Variants in VWA3A observed in about 807,000 individuals in gnomAD.
VWA3A encodes the protein von Willebrand factor A domain containing 3A.
A neutral mutation model predicts 160.4 loss-of-function variants in VWA3A; 134 were observed. The ratio of observed to expected loss-of-function variants is 0.84; its 90% CI spans 0.73 to 0.96. The LOEUF is 0.96. VWA3A is among the 40% of genes least tolerant of loss of function. The probability of loss-of-function intolerance (pLI) is 0.00; values close to 1 mark genes in which losing one functional copy is unlikely to be tolerated. For missense variants in VWA3A, 1,310 were observed against 1,447.9 expected (o/e 0.90, Z 1.55); for synonymous variants, 476 against 543.4 (o/e 0.88, Z 1.72).
chr16:22,104,065 C>A (rs2045447039), intron 6 of VWA3A, among the ~76,000 whole-genome samples: 1 of 152,300 alleles, frequency 6.6e-6, no homozygotes, highest in Non-Finnish European at 1.5e-5. Flanking sequence ...AAGGCCAGAG[C>A]ACTGTTACCA....
intron 23 of VWA3A, among the ~76,000 whole-genome samples, chr16:22,140,555 A>C (rs186763579): frequency 6.6e-6 from 1 of 151,540 alleles, no homozygotes; most frequent in East Asian, 2.0e-4. Context: ...GCAGTGAGCT[A>C]TCATTGCACC....
intron 16 of VWA3A, 90 bp from the exon 17 acceptor site, chr16:22,126,088 C>T (rs964488467): frequency 1.5e-5 from 24 of 1,560,202 alleles, no homozygotes; most frequent in African/African-American, 8.3e-5. Flanking sequence ...CAAAATTCCC[C>T]TGGAAAAAAA....
intron 17 of VWA3A, among the ~76,000 whole-genome samples, chr16:22,127,646 A>G (rs2045874070): frequency 6.6e-6 from 1 of 152,180 alleles, no homozygotes. Context: ...TTATGGTAAC[A>G]TTATAGATAA....
chr16:22,121,230 G>T, intron 13 of VWA3A, 127 bp downstream of exon 13: 1 of 1,423,750 alleles, frequency 7.0e-7, no homozygotes, highest in East Asian at 2.3e-5. Context: ...AGGATCAGTT[G>T]AGGCCAGGGA....
At chr16:22,096,284 G>A (rs1254280960) in intron 1 of VWA3A, among the ~76,000 whole-genome samples, 1 of 152,158 alleles carries the variant, frequency 6.6e-6, no homozygotes, top group Admixed American at 6.5e-5. Flanking sequence ...TGTTCAATAA[G>A]TATTTACTGA....
intron 5 of VWA3A, among the ~76,000 whole-genome samples, chr16:22,101,001 A>G (rs1221784509): frequency 4.7e-5 from 7 of 149,932 alleles, no homozygotes; most frequent in Non-Finnish European, 8.9e-5. Flanking sequence ...ACTACCACTC[A>G]GGGAGATGAG....
At chr16:22,093,952 T>TA (rs1555524845) in intron 1 of VWA3A, among the ~76,000 whole-genome samples, 13 of 151,410 alleles carry the variant, frequency 8.6e-5, no homozygotes, top group South Asian at 2.1e-4. Context: ...TTTTTTTTTT[T>TA]TATATAGAGA....
chr16:22,140,110 C>T (rs758069236), intron 22 of VWA3A, 44 bp from the exon 23 acceptor site: 2 of 1,583,684 alleles, frequency 1.3e-6, no homozygotes, highest in East Asian at 4.5e-5. Context: ...TCCTGCGTGA[C>T]ACAGGGAACA....
At position 22,096,958 on chromosome 16, in the gene VWA3A, C is replaced by T. The variant is rs1390676612; in HGVS notation, c.101+13C>T. The T allele has an allele frequency of 4.9e-6, 6 of 1,229,148 alleles. No individual in the cohort carries two copies. Among genetic ancestry groups the T allele is most frequent in the Middle Eastern group, 2.4e-4 (1 of 4,214 alleles). The allele number at this position is 1,229,148 out of a possible 1,614,324, so 76.1% of individuals were successfully genotyped here. A position where few individuals can be genotyped will look rare whatever the true frequency, so the allele number is the denominator to read the frequency against. On this transcript the variant is annotated intron_variant, in intron 2 of 33. Transcript: ENST00000389398. ...TGGAAAACCATTGGTAAGCATAGTT[C>T]TCTGATTTTTTTTTTTTTTTTTTTT...
intron 17 of VWA3A, among the ~76,000 whole-genome samples, chr16:22,129,716 C>T (rs370442914): frequency 5.9e-5 from 9 of 151,876 alleles, no homozygotes; most frequent in African/African-American, 2.2e-4. Flanking sequence ...TGTGGAGATG[C>T]GAAGAGGAGA....
At chr16:22,099,209 T>C (rs944734345) in intron 3 of VWA3A, among the ~76,000 whole-genome samples, 1 of 152,202 alleles carries the variant, frequency 6.6e-6, no homozygotes, top group African/African-American at 2.4e-5. Flanking sequence ...TGTATTTCCC[T>C]AGATATGCGA....
chr16:22,125,702 C>T (rs1020731133), intron 16 of VWA3A, among the ~76,000 whole-genome samples: 1 of 152,120 alleles, frequency 6.6e-6, no homozygotes, highest in South Asian at 2.1e-4. Context: ...GGATTACAGG[C>T]GTGAGCCACC....
chr16:22,154,928 T>C (rs1183988966), intron 31 of VWA3A, among the ~76,000 whole-genome samples: 1 of 119,180 alleles, frequency 8.4e-6, no homozygotes, highest in Non-Finnish European at 1.6e-5. Flanking sequence ...CAGTCCGCAG[T>C]CCGGCCTGGG....
chr16:22,145,655 A>T (rs1484604395), intron 26 of VWA3A, among the ~76,000 whole-genome samples: 1 of 151,706 alleles, frequency 6.6e-6, no homozygotes, highest in Non-Finnish European at 1.5e-5. Context: ...AAAAAAAAAA[A>T]TCAGAAATTA....
intron 20 of VWA3A, among the ~76,000 whole-genome samples, chr16:22,133,760 G>A (rs752162799): frequency 2.6e-5 from 4 of 151,740 alleles, no homozygotes; most frequent in Non-Finnish European, 5.9e-5. Flanking sequence ...TGAGGCGAGC[G>A]GATTGCTTGA....
Position 22,123,718 on chromosome 16 carries a change from T to C in VWA3A, c.1532+11T>C. 6.2e-7 allele frequency: 1 copy of C among 1,611,500 alleles called. No homozygotes were observed. Among genetic ancestry groups the C allele is most frequent in the Non-Finnish European group, 8.5e-7 (1 of 1,178,502 alleles). ...AGTCTGTGAAAAAAGGTACCTTTCT[T>C]AAGCAGGGTTCTTATCCTTCATGGG... On this transcript the variant is annotated intron_variant, in intron 16 of 33. Coordinates refer to ENST00000389398, the MANE Select transcript of VWA3A (RefSeq NM_173615.5).
At position 22,131,353 on chromosome 16, in the gene VWA3A, T is replaced by C; in HGVS notation, c.1727+74T>C. ...GCAGGCATTGTTTTCTCTGTCCCCC[T>C]CTCCACCAAGAAGTAGCTCTCTAGA... On this transcript the variant is annotated intron_variant, in intron 18 of 33. Coordinates refer to ENST00000389398, the MANE Select transcript of VWA3A (RefSeq NM_173615.5). 1.9e-6 allele frequency: 3 copies of C among 1,545,174 alleles called. No homozygotes were observed. In the Admixed American group the frequency reaches 5.7e-5, roughly 29 times the overall value.
intron 9 of VWA3A, among the ~76,000 whole-genome samples, 177 bp from the exon 10 acceptor site, chr16:22,116,582 A>C (rs1166083553): frequency 6.6e-6 from 1 of 152,172 alleles, no homozygotes; most frequent in Non-Finnish European, 1.5e-5. Context: ...TCTGCAGAGG[A>C]GGCAGAGGGC....
chr16:22,134,262 C>A, intron 20 of VWA3A, 106 bp from the exon 21 acceptor site: 1 of 877,892 alleles, frequency 1.1e-6, no homozygotes, highest in Non-Finnish European at 1.7e-6. Flanking sequence ...CCACCATTCC[C>A]AGCCCTCAAG....
Sources: gnomAD v4.1 joint callset for allele counts (sites outside exome capture counted in the v4.1 genomes callset) on GRCh38, gnomAD v4.1.1 for gene constraint, MANE v1.5 for transcripts, NCBI Gene and HGNC (gene_info 2026-07-23, HGNC 2026-07-21) for gene names.